Variants in KLF12 observed in about 807,000 individuals in gnomAD.
The protein encoded by KLF12 is KLF transcription factor 12, also known as Krueppel-like factor 12.
KLF12 carries 9 observed loss-of-function variants against 37.8 expected under a neutral mutation model. The ratio of observed to expected loss-of-function variants is 0.24; its 90% confidence interval spans 0.14 to 0.42. The LOEUF (loss-of-function observed/expected upper bound fraction) is 0.42. KLF12 is among the 10% of genes least tolerant of loss of function. The probability of loss-of-function intolerance (pLI) is 1.00; values close to 1 mark genes in which losing one functional copy is unlikely to be tolerated. For missense variants in KLF12, 411 were observed against 516.0 expected, an observed-to-expected ratio of 0.80 and a Z score of 1.97; for synonymous variants, 208 against 202.1, an observed-to-expected ratio of 1.03 and a Z score of -0.25.
rs1445914506 is a variant in KLF12, at chr13:73,846,330, A to G, written c.167T>C (p.Leu56Pro). Residue 56 changes from leucine to proline, a missense_variant, in exon 4 of 8, where the codon CTG (leucine) becomes CCG (proline). Coordinates refer to ENST00000377669, the MANE Select transcript of KLF12 (RefSeq NM_007249.5). ...CTCCCCTTTCACATTATTTAGCAAC[A>G]GGGGAACGGCTTCCATATCGGGATA... 1 of 1,613,864 alleles carries G rather than the reference A, an allele frequency of 6.2e-7. No homozygotes were observed. The highest frequency in any genetic ancestry group is 8.5e-7 in the Non-Finnish European group (1 of 1,179,982).
the KLF12 span, among the ~76,000 whole-genome samples, chr13:74,161,518 G>A: frequency 9.9e-5 from 15 of 152,060 alleles, no homozygotes; most frequent in African/African-American, 1.9e-4. Flanking sequence ...AGAAGCCACC[G>A]GAAACTGGAG....
rs144145549 is a variant in KLF12, at chr13:73,809,974, G to A, written c.806+3178C>T. Among the ~76,000 whole-genome samples the A allele has an allele frequency of 5.3e-3, 804 of 152,178 alleles. 7 individuals carry two copies. The highest frequency in any genetic ancestry group is 0.018 in the African/African-American group (757 of 41,514). ...ACTTGAAAAGGTGTAGGCTGGGCGC[G>A]GTGGCTCACACCTGTACTCTCAGCA... On this transcript the variant is annotated intron_variant, in intron 5 of 7. Transcript: ENST00000377669.
the KLF12 span, among the ~76,000 whole-genome samples, chr13:74,218,330 C>T: frequency 3.3e-5 from 5 of 152,002 alleles, no homozygotes; most frequent in African/African-American, 7.3e-5. Flanking sequence ...AAGGGAGTGC[C>T]GAGAAATGAG....
chr13:74,252,446 A>G, the KLF12 span, among the ~76,000 whole-genome samples: 2 of 152,206 alleles, frequency 1.3e-5, no homozygotes, highest in Non-Finnish European at 2.9e-5. Flanking sequence ...CCCAACAGTC[A>G]TCATAAAAGA....
chr13:73,729,871 A>T (rs779019919), intron 6 of KLF12, among the ~76,000 whole-genome samples: 17 of 152,172 alleles, frequency 1.1e-4, no homozygotes, highest in Non-Finnish European at 2.1e-4. Context: ...ATAATCTAGT[A>T]AAGTGTAGAA....
intron 2 of KLF12, among the ~76,000 whole-genome samples, chr13:73,978,280 T>G (rs979551717): frequency 8.0e-5 from 12 of 149,802 alleles, no homozygotes; most frequent in Admixed American, 2.0e-4. Context: ...AAAAAAAGAG[T>G]GTAAAAAAAT....
intron 3 of KLF12, among the ~76,000 whole-genome samples, chr13:73,880,265 T>C (rs905764996): frequency 6.6e-6 from 1 of 152,234 alleles, no homozygotes; most frequent in African/African-American, 2.4e-5. Context: ...AAATGTTTTC[T>C]GGACTTCACT....
intron 1 of KLF12, among the ~76,000 whole-genome samples, chr13:74,099,731 T>C (rs959389187): frequency 2.0e-5 from 3 of 152,184 alleles, no homozygotes; most frequent in Non-Finnish European, 4.4e-5. Context: ...ATTCAGCTAT[T>C]TCACCCACTA....
At chr13:74,235,746 C>T in the KLF12 span, among the ~76,000 whole-genome samples, 5 of 151,998 alleles carry the variant, frequency 3.3e-5, no homozygotes, top group Non-Finnish European at 5.9e-5. Flanking sequence ...ATTTAAAAAG[C>T]CATGCAAACT....
At chr13:74,199,347 T>C in the KLF12 span, among the ~76,000 whole-genome samples, 5 of 152,200 alleles carry the variant, frequency 3.3e-5, no homozygotes, top group Admixed American at 3.3e-4. Flanking sequence ...TTGTTCTCAT[T>C]ACCCAGAAGT....
chr13:74,044,580 C>T (rs1164117663), intron 1 of KLF12, among the ~76,000 whole-genome samples: 1 of 152,094 alleles, frequency 6.6e-6, no homozygotes, highest in Non-Finnish European at 1.5e-5. Flanking sequence ...GGCATGGTGG[C>T]TCACGTCTGT....
intron 1 of KLF12, among the ~76,000 whole-genome samples, chr13:74,053,987 G>A (rs890852769): frequency 5.9e-5 from 9 of 152,170 alleles, no homozygotes; most frequent in East Asian, 1.9e-4. Context: ...TTTCTTAGTC[G>A]TAATTAAGAA....
chr13:73,774,969 T>A (rs556541618), intron 5 of KLF12, among the ~76,000 whole-genome samples: 1 of 150,868 alleles, frequency 6.6e-6, no homozygotes, highest in South Asian at 2.1e-4. Flanking sequence ...CCAGGCTGGA[T>A]TACAATGGCA....
intron 6 of KLF12, among the ~76,000 whole-genome samples, chr13:73,755,165 C>A (rs1402138394): frequency 6.6e-6 from 1 of 152,142 alleles, no homozygotes; most frequent in African/African-American, 2.4e-5. Context: ...TACCTATAAA[C>A]TGCAAACTCT....
the KLF12 span, among the ~76,000 whole-genome samples, chr13:74,299,008 A>G: frequency 6.6e-6 from 1 of 152,216 alleles, no homozygotes; most frequent in Non-Finnish European, 1.5e-5. Flanking sequence ...AAACCAATGC[A>G]ATGGGTAAGT....
At chr13:73,961,130 C>T (rs1891011200) in intron 2 of KLF12, among the ~76,000 whole-genome samples, 1 of 152,068 alleles carries the variant, frequency 6.6e-6, no homozygotes, top group African/African-American at 2.4e-5. Context: ...TTAGATTCTG[C>T]CCTCCTTTGA....
the KLF12 span, among the ~76,000 whole-genome samples, chr13:74,180,514 T>C: frequency 6.6e-6 from 1 of 152,320 alleles, no homozygotes; most frequent in Non-Finnish European, 1.5e-5. Context: ...ACCATCAGAT[T>C]ATGTTTTATA....
At chr13:74,056,963 G>A (rs1419738687) in intron 1 of KLF12, among the ~76,000 whole-genome samples, 1 of 152,174 alleles carries the variant, frequency 6.6e-6, no homozygotes, top group African/African-American at 2.4e-5. Flanking sequence ...AGGCCCAGAA[G>A]TGGGTGTGGG....
chr13:74,193,048 G>T, the KLF12 span, among the ~76,000 whole-genome samples: 1 of 146,040 alleles, frequency 6.8e-6, no homozygotes, highest in Non-Finnish European at 1.5e-5. Flanking sequence ...GTGTGATCTC[G>T]GCTCACTGCA....
Sources: gnomAD v4.1 joint callset for allele counts (sites outside exome capture counted in the v4.1 genomes callset) on GRCh38, gnomAD v4.1.1 for gene constraint, MANE v1.5 for transcripts, NCBI Gene and HGNC (gene_info 2026-07-23, HGNC 2026-07-21) for gene names.